LIMS2: variants seen among roughly 807,000 people sequenced by gnomAD.
LIMS2 encodes LIM zinc finger domain containing 2.
In LIMS2, 30 loss-of-function variants were observed where a neutral mutation model predicts 45.3. That is an observed-to-expected ratio of 0.66 (90% CI 0.50 to 0.90). LIMS2 has a LOEUF of 0.90. Ranked by LOEUF, LIMS2 falls within the 40% of genes least tolerant of loss-of-function variation. LIMS2 has a pLI of 0.00. For synonymous variants in LIMS2, 173 were observed against 188.0 expected, an observed-to-expected ratio of 0.92 and a Z score of 0.65; for missense variants, 485 against 468.7, an observed-to-expected ratio of 1.03 and a Z score of -0.32.
Position 127,671,867 on chromosome 2 carries a change from C to T in LIMS2, c.11+3147G>A, listed in dbSNP as rs568471555. On this transcript the variant is annotated intron_variant, in intron 1 of 9. Coordinates refer to ENST00000355119, the MANE Select transcript of LIMS2 (RefSeq NM_001161403.3). The surrounding 1 kb of genome is among the most constrained non-coding windows in gnomAD (Gnocchi z 4.1). ...CTTTACAGTTTGCTTAAGCCCCTGA[C>T]GCCACTGCAGCCTCGTGTGCTGTGC... is the stretch of plus-strand genomic sequence containing the variant. 8.5e-5 allele frequency among the ~76,000 whole-genome samples: 13 copies of T among 152,340 alleles called. No individual in the cohort carries two copies. In the South Asian group the frequency reaches 1.9e-3, roughly 22 times the overall value.
chr2:127,648,101 C>T (rs556879777), intron 4 of LIMS2: 2 of 985,568 alleles, frequency 2.0e-6, no homozygotes, highest in South Asian at 9.4e-5. Context: ...GGGAAAGTGC[C>T]AGCCGAGACC....
rs1685449532 is a variant in LIMS2 at position 127,675,099 on chromosome 2, G to GC, written c.-76dup. 4.1e-6 allele frequency: 5 copies of GC among 1,213,518 alleles called. No homozygotes were observed. Among genetic ancestry groups the GC allele is most frequent in the Non-Finnish European group, 5.1e-6 (5 of 971,766 alleles). The allele number at this position is 1,213,518 out of a possible 1,614,324, so 75.2% of individuals were successfully genotyped here. Reference sequence around the variant, plus strand: ...CTCTGCTGCTGCAGCCGCCAGCCGAGCGCCCGCCCGCCAGCCCGGGCCGCG... The same window carrying GC: ...CTCTGCTGCTGCAGCCGCCAGCCGAGCCGCCCGCCCGCCAGCCCGGGCCGCG... On this transcript the variant is annotated 5_prime_UTR_variant, in exon 1 of 10. Coordinates refer to ENST00000355119, the MANE Select transcript of LIMS2 (RefSeq NM_001161403.3).
Position 127,638,788 on chromosome 2 carries a change from G to A in LIMS2, c.*493C>T, listed in dbSNP as rs565553845. 1 of 161,660 alleles carries A rather than the reference G, an allele frequency of 6.2e-6. No homozygotes were observed. Among genetic ancestry groups the A allele is most frequent in the South Asian group, 1.6e-4 (1 of 6,230 alleles). 10.0% of individuals were successfully genotyped at this position (161,660 alleles called of 1,614,324 possible). A position where few individuals can be genotyped will look rare whatever the true frequency, so the allele number is the denominator to read the frequency against. On this transcript the variant is annotated 3_prime_UTR_variant, in exon 10 of 10. Coordinates refer to ENST00000355119, the MANE Select transcript of LIMS2 (RefSeq NM_001161403.3). ...TGGTTGAGTGAGTGGTGAGGGATTG[G>A]AGGTGGCTCCCAGAGGCCTCCATCT...
chr2:127,656,565 C>T (rs1287967056), intron 2 of LIMS2, among the ~76,000 whole-genome samples: 2 of 152,160 alleles, frequency 1.3e-5, no homozygotes, highest in Non-Finnish European at 2.9e-5. Context: ...AGGCACCTGC[C>T]ACCATGCCAG....
At chr2:127,669,210 A>G (rs1685171369) in intron 1 of LIMS2, among the ~76,000 whole-genome samples, 1 of 152,254 alleles carries the variant, frequency 6.6e-6, no homozygotes, top group Non-Finnish European at 1.5e-5. Flanking sequence ...ACAACTGGAT[A>G]GCTACATGCT....
At position 127,647,357 on chromosome 2, in the gene LIMS2, C is replaced by T. The variant is rs899649925; in HGVS notation, c.360-4285G>A. ...TGAGACCGTTTCCCCGGTCTCACTT[C>T]CAGCTCCAGGGCCAATGTCCCCTGG... On this transcript the variant is annotated intron_variant, in intron 4 of 9. Transcript: ENST00000355119. This position sits in a 1 kb window ranked among gnomAD's most constrained non-coding sequence, Gnocchi z 4.3. Among the ~76,000 whole-genome samples, 2 of 152,168 alleles carry T rather than the reference C, an allele frequency of 1.3e-5. No individual in the cohort carries two copies. The highest frequency in any genetic ancestry group is 4.1e-4 in the South Asian group (2 of 4,834).
chr2:127,660,211 T>C (rs1034352407), intron 1 of LIMS2, among the ~76,000 whole-genome samples: 1 of 152,084 alleles, frequency 6.6e-6, no homozygotes, highest in African/African-American at 2.4e-5. Context: ...CAGCACTCTA[T>C]AAAATAGACC....
chr2:127,656,819 C>A (rs957842731), intron 2 of LIMS2, among the ~76,000 whole-genome samples: 2 of 152,186 alleles, frequency 1.3e-5, no homozygotes, highest in African/African-American at 4.8e-5. Flanking sequence ...CGTAGAGGCC[C>A]GTGGGGCCAA....
chr2:127,665,516 G>A (rs1463182626), intron 1 of LIMS2, among the ~76,000 whole-genome samples: 1 of 152,236 alleles, frequency 6.6e-6, no homozygotes, highest in Non-Finnish European at 1.5e-5. Context: ...ATTTGTAAAT[G>A]TAGTCCAATT....
intron 1 of LIMS2, among the ~76,000 whole-genome samples, chr2:127,665,346 C>G (rs1425927824): frequency 6.6e-6 from 1 of 152,080 alleles, no homozygotes; most frequent in Non-Finnish European, 1.5e-5. Flanking sequence ...ACTGATCCTC[C>G]CAAACTAGGG....
chr2:127,651,835 C>T, intron 4 of LIMS2: 4 of 1,345,674 alleles, frequency 3.0e-6, no homozygotes, highest in East Asian at 2.3e-5. Context: ...CTTTCCCCAG[C>T]CACCTCCCCA....
chr2:127,639,039 G>C lies in LIMS2; in HGVS notation c.*242C>G. On this transcript the variant is annotated 3_prime_UTR_variant, in exon 10 of 10. Coordinates refer to ENST00000355119, the MANE Select transcript of LIMS2 (RefSeq NM_001161403.3). ...TGGGCACAGGTGGACATGGCTGTCA[G>C]ACGTGGGGTCATAGGCTCCCACTCC... is the stretch of plus-strand genomic sequence containing the variant. 1.9e-6 allele frequency: 1 copy of C among 534,648 alleles called. No individual in the cohort carries two copies. The highest frequency in any genetic ancestry group is 3.3e-6 in the Non-Finnish European group (1 of 300,082). The allele number at this position is 534,648 out of a possible 1,614,324, so 33.1% of individuals were successfully genotyped here.
At position 127,675,028 on chromosome 2, in the gene LIMS2, G is replaced by A. The variant is rs1558905470; in HGVS notation, c.-4C>T. 1 of 1,229,856 alleles carries A rather than the reference G, an allele frequency of 8.1e-7. No homozygotes were observed. Among genetic ancestry groups the A allele is most frequent in the Non-Finnish European group, 1.0e-6 (1 of 985,624 alleles). The allele number at this position is 1,229,856 out of a possible 1,614,324, so 76.2% of individuals were successfully genotyped here. A position where few individuals can be genotyped will look rare whatever the true frequency, so the allele number is the denominator to read the frequency against. ...GGGGCCGTTACCTTCCCGTCATGGT[G>A]GCAGCGACGCCGAGCCCTGGGTTGC... On this transcript the variant is annotated 5_prime_UTR_variant, in exon 1 of 10. Coordinates refer to ENST00000355119, the MANE Select transcript of LIMS2 (RefSeq NM_001161403.3).
chr2:127,651,712 G>A, intron 4 of LIMS2: 3 of 1,613,048 alleles, frequency 1.9e-6, no homozygotes, highest in African/African-American at 2.7e-5. Flanking sequence ...AGCTTCGAAG[G>A]GAAAACCAAC....
In LIMS2 at chr2:127,639,392, A is replaced by T; in HGVS notation, c.915T>A (p.Cys305Ter). Residue 305 changes from cysteine (C) to a stop codon, truncating the protein, a stop_gained, in exon 10 of 10, where the codon TGT (cysteine) becomes TGA (stop). Transcript: ENST00000355119. LOFTEE classifies it high-confidence loss of function. ...GCGGGAACTTCTCGTAGCACCTCTT[A>T]CACACGGGCTTCATGTCGAACTCCA... is the stretch of plus-strand genomic sequence containing the variant. ...KFVEFDMKPV[C>*]KRCYEKFPLE... The T allele has an allele frequency of 2.5e-6, 4 of 1,613,888 alleles. No individual in the cohort carries two copies. The highest frequency in any genetic ancestry group is 2.5e-6 in the Non-Finnish European group (3 of 1,179,886).
chr2:127,654,631 G>A (rs1573810776), intron 3 of LIMS2, 87 bp from the exon 4 acceptor site: 15 of 1,584,584 alleles, frequency 9.5e-6, no homozygotes, highest in South Asian at 3.4e-5. Context: ...CTAGCACTCC[G>A]CCTGCTCTCT....
chr2:127,674,889 A>C, intron 1 of LIMS2, 125 bp downstream of exon 1: 1 of 1,212,934 alleles, frequency 8.2e-7, no homozygotes, highest in Non-Finnish European at 1.0e-6. Context: ...AGCTGCGAGA[A>C]TCCGACGCGC....
intron 4 of LIMS2, chr2:127,648,064 G>A (rs1199801286): frequency 4.1e-6 from 4 of 985,596 alleles, no homozygotes; most frequent in South Asian, 9.4e-5. Flanking sequence ...TCAGCTCTCC[G>A]CCCTCACCGT....
intron 4 of LIMS2, among the ~76,000 whole-genome samples, chr2:127,648,478 CCAT>C (rs1683239662): frequency 6.6e-6 from 1 of 152,168 alleles, no homozygotes; most frequent in Non-Finnish European, 1.5e-5. Flanking sequence ...AGGGCCACCA[CCAT>C]GCCTGCTTCT....
Sources: gnomAD v4.1 joint callset for allele counts (sites outside exome capture counted in the v4.1 genomes callset) on GRCh38, gnomAD v4.1.1 for gene constraint, Gnocchi (gnomAD v3.1) non-coding constraint, MANE v1.5 for transcripts, NCBI Gene and HGNC (gene_info 2026-07-23, HGNC 2026-07-21) for gene names.